Variants in BMAL2 observed in about 807,000 individuals in gnomAD.
BMAL2 encodes basic helix-loop-helix ARNT like 2, also known as basic helix-loop-helix ARNT-like protein 2.
the BMAL2 span, among the ~76,000 whole-genome samples, chr12:27,376,824 C>G: frequency 6.6e-6 from 1 of 151,744 alleles, no homozygotes; most frequent in East Asian, 1.9e-4. Flanking sequence ...CACGGTGAAA[C>G]CCCGTCTCTA....
At chr12:27,374,049 G>A in the BMAL2 span, among the ~76,000 whole-genome samples, 3 of 152,196 alleles carry the variant, frequency 2.0e-5, no homozygotes, top group Non-Finnish European at 2.9e-5. Context: ...CCATTAAATA[G>A]AAGGGTATTT....
At chr12:27,395,944 G>T in the BMAL2 span, among the ~76,000 whole-genome samples, 1 of 152,172 alleles carries the variant, frequency 6.6e-6, no homozygotes, top group African/African-American at 2.4e-5. Context: ...CTTAACAATT[G>T]TGCGACCTTA....
chr12:27,394,389 A>C, the BMAL2 span: 3 of 152,060 alleles, frequency 2.0e-5, no homozygotes, highest in African/African-American at 7.2e-5. Flanking sequence ...GCCCTTCCAC[A>C]CTGTATTGAA....
At chr12:27,368,268 T>G in the BMAL2 span, 1 of 1,614,008 alleles carries the variant, frequency 6.2e-7, no homozygotes, top group Non-Finnish European at 8.5e-7. Context: ...ATAGGTAAAG[T>G]GTTGAGAGAG....
chr12:27,383,635 C>T, the BMAL2 span, among the ~76,000 whole-genome samples: 1,252 of 152,278 alleles, frequency 8.2e-3, 17 homozygotes, highest in African/African-American at 0.028. Context: ...GCCAACCTTG[C>T]TGCAGGCCAG....
At chr12:27,416,151 T>A in the BMAL2 span, among the ~76,000 whole-genome samples, 2 of 152,202 alleles carry the variant, frequency 1.3e-5, no homozygotes, top group South Asian at 4.1e-4. Flanking sequence ...GTCCAAGTTA[T>A]GACACTTACT....
At chr12:27,351,082 A>G in the BMAL2 span, among the ~76,000 whole-genome samples, 3 of 145,058 alleles carry the variant, frequency 2.1e-5, no homozygotes, top group Non-Finnish European at 3.0e-5. Flanking sequence ...TCGTCCTCCT[A>G]TGCTCAAGGG....
At chr12:27,380,491 G>A in the BMAL2 span, 3 of 1,420,316 alleles carry the variant, frequency 2.1e-6, no homozygotes, top group Middle Eastern at 1.8e-4. Flanking sequence ...GCTGTCAGCT[G>A]TTGAGGTTCT....
At chr12:27,422,393 C>T in the BMAL2 span, 2 of 152,218 alleles carry the variant, frequency 1.3e-5, no homozygotes, top group African/African-American at 2.4e-5. Flanking sequence ...ATTTCTTTAG[C>T]TGTAGGTGAT....
chr12:27,376,692 G>A, the BMAL2 span, among the ~76,000 whole-genome samples: 4 of 151,960 alleles, frequency 2.6e-5, no homozygotes, highest in Non-Finnish European at 5.9e-5. Context: ...CTTATGAGGG[G>A]CATCTGACTG....
chr12:27,400,203 T>C, the BMAL2 span, among the ~76,000 whole-genome samples: 1 of 152,178 alleles, frequency 6.6e-6, no homozygotes, highest in African/African-American at 2.4e-5. Context: ...ATTAATTTTT[T>C]CTAATAGATG....
chr12:27,401,411 G>GT, the BMAL2 span: 3 of 1,558,906 alleles, frequency 1.9e-6, no homozygotes, highest in African/African-American at 4.1e-5. Flanking sequence ...TAAAATGACA[G>GT]TTTTAACTCT....
chr12:27,344,758 G>A, the BMAL2 span, among the ~76,000 whole-genome samples: 3 of 152,232 alleles, frequency 2.0e-5, no homozygotes, highest in African/African-American at 7.2e-5. Context: ...GAGGATTGTA[G>A]TGTAGCCAAG....
At chr12:27,398,678 G>C in the BMAL2 span, among the ~76,000 whole-genome samples, 3 of 152,134 alleles carry the variant, frequency 2.0e-5, no homozygotes, top group Non-Finnish European at 4.4e-5. Flanking sequence ...GGGACAGTTC[G>C]ATTTGGAAAT....
chr12:27,416,680 A>G, the BMAL2 span, among the ~76,000 whole-genome samples: 1 of 152,312 alleles, frequency 6.6e-6, no homozygotes, highest in East Asian at 1.9e-4. Context: ...TATCAGAGCC[A>G]GGCATGGTGG....
chr12:27,390,335 G>A, the BMAL2 span: 1 of 1,299,154 alleles, frequency 7.7e-7, no homozygotes, highest in African/African-American at 1.5e-5. Context: ...ATGGTCAAGG[G>A]AAATATTTGA....
At chr12:27,418,768 A>G in the BMAL2 span, among the ~76,000 whole-genome samples, 3 of 152,140 alleles carry the variant, frequency 2.0e-5, no homozygotes, top group Admixed American at 2.0e-4. Flanking sequence ...TCATGAGGTC[A>G]GGAGTTCGAG....
At chr12:27,401,179 G>A in the BMAL2 span, 1 of 1,132,234 alleles carries the variant, frequency 8.8e-7, no homozygotes, top group Non-Finnish European at 1.3e-6. Context: ...TTACGATCCT[G>A]ACCATATGTG....
chr12:27,333,842 C>G, the BMAL2 span, among the ~76,000 whole-genome samples: 1 of 152,218 alleles, frequency 6.6e-6, no homozygotes, highest in Admixed American at 6.5e-5. Flanking sequence ...GTGCTTTTTC[C>G]TTCTCGCTAG....
Sources: allele counts gnomAD v4.1 joint callset (sites outside exome capture counted in the v4.1 genomes callset), GRCh38; gene constraint gnomAD v4.1.1; transcripts MANE v1.5; gene names NCBI Gene and HGNC (gene_info 2026-07-23, HGNC 2026-07-21).